The following RASGRF2 variants were observed in gnomAD, a reference collection of about 807,000 sequenced individuals.
RASGRF2 encodes ras-specific guanine nucleotide-releasing factor 2.
Under a neutral mutation model 151.0 loss-of-function variants are expected in RASGRF2, and 76 were observed. The observed-to-expected ratio is 0.50, with a 90% CI of 0.42 to 0.61. The LOEUF is 0.61. Among genes scored for constraint, RASGRF2 ranks in the 20% least tolerant of loss-of-function variants. RASGRF2 has a pLI of 0.00. For missense variants in RASGRF2, 1,148 were observed against 1,564.6 expected (o/e 0.73, Z 4.49); for synonymous variants, 504 against 566.5 (o/e 0.89, Z 1.57).
chr5:81,067,899 T>C, intron 2 of RASGRF2, 133 bp from the exon 3 acceptor site: 1 of 699,542 alleles, frequency 1.4e-6, no homozygotes. Flanking sequence ...AAAGTTAACA[T>C]TTATGTCAAG....
rs1753377330 is a variant in RASGRF2 at position 81,123,745 on chromosome 5, C to T, written c.2574C>T (p.His858=). ...GCAGATCCCCCTCAACTCCTCGGCA[C>T]CTCCGCTATCGACAGCCTGGAGGTA... ...SPCRSPSTPR[H]LRYRQPGGQT... The change falls in exon 16 of 27, where the codon CAC becomes CAT. Residue 858 remains histidine, a synonymous_variant. Transcript: ENST00000265080. 2 of 1,613,760 alleles carry T rather than the reference C, an allele frequency of 1.2e-6. No homozygotes were observed. Among genetic ancestry groups the T allele is most frequent in the Non-Finnish European group, 8.5e-7 (1 of 1,179,890 alleles).
intron 1 of RASGRF2, among the ~76,000 whole-genome samples, chr5:81,009,308 T>A (rs1749378596): frequency 6.6e-6 from 1 of 152,194 alleles, no homozygotes; most frequent in Non-Finnish European, 1.5e-5. Context: ...ACTGCCCAGG[T>A]TAGTGAACTT....
chr5:81,168,640 G>T (rs1443115331), intron 17 of RASGRF2, among the ~76,000 whole-genome samples: 5 of 152,100 alleles, frequency 3.3e-5, no homozygotes, highest in African/African-American at 1.2e-4. Context: ...CATTTTACCA[G>T]CTATGGCTCC....
chr5:81,022,773 A>C (rs1216797343), intron 1 of RASGRF2, among the ~76,000 whole-genome samples: 2 of 152,166 alleles, frequency 1.3e-5, no homozygotes, highest in Non-Finnish European at 1.5e-5. Context: ...CTGTAATGGC[A>C]GCTGGGATAC....
intron 2 of RASGRF2, among the ~76,000 whole-genome samples, chr5:81,060,692 A>G (rs962836525): frequency 7.9e-5 from 12 of 152,200 alleles, no homozygotes; most frequent in African/African-American, 2.2e-4. Context: ...ACTCGCAGGA[A>G]CCCAGGAAGA....
intron 23 of RASGRF2, 125 bp downstream of exon 23, chr5:81,212,688 G>A (rs1755652387): frequency 1.1e-6 from 1 of 910,732 alleles, no homozygotes; most frequent in Non-Finnish European, 1.6e-6. Context: ...GCCAAAGAAA[G>A]GTGCCAACAT....
chr5:81,034,053 C>G (rs1471963206), intron 1 of RASGRF2, among the ~76,000 whole-genome samples: 3 of 152,150 alleles, frequency 2.0e-5, no homozygotes, highest in Non-Finnish European at 4.4e-5. Context: ...AAAAAATGCT[C>G]ATCATCACTG....
chr5:81,145,530 GT>G (rs1753986177), intron 17 of RASGRF2, among the ~76,000 whole-genome samples: 1 of 152,218 alleles, frequency 6.6e-6, no homozygotes, highest in Non-Finnish European at 1.5e-5. Context: ...AAGTGATCGT[GT>G]ATGACTTTGG....
intron 17 of RASGRF2, among the ~76,000 whole-genome samples, chr5:81,179,343 A>G (rs1203628814): frequency 1.3e-5 from 2 of 152,192 alleles, no homozygotes; most frequent in Admixed American, 6.5e-5. Context: ...TAATCCCACA[A>G]CAACTTTATG....
At chr5:81,216,070 G>A (rs1007946351) in intron 24 of RASGRF2, 115 bp downstream of exon 24, 2 of 1,064,020 alleles carry the variant, frequency 1.9e-6, no homozygotes, top group Non-Finnish European at 2.5e-6. Flanking sequence ...AAAATAAATG[G>A]GAAACAACTT....
At chr5:81,134,183 G>C (rs1753698391) in intron 17 of RASGRF2, among the ~76,000 whole-genome samples, 1 of 151,546 alleles carries the variant, frequency 6.6e-6, no homozygotes, top group African/African-American at 2.4e-5. Flanking sequence ...GTTAGATTTG[G>C]ATGTAGATGG....
intron 18 of RASGRF2, 58 bp downstream of exon 18, chr5:81,180,339 A>G (rs1445737458): frequency 9.3e-7 from 1 of 1,080,608 alleles, no homozygotes; most frequent in Non-Finnish European, 1.4e-6. Context: ...CATCTTTTTA[A>G]GTTGTGACAC....
At chr5:81,029,714 G>T (rs1750169445) in intron 1 of RASGRF2, among the ~76,000 whole-genome samples, 1 of 152,186 alleles carries the variant, frequency 6.6e-6, no homozygotes, top group African/African-American at 2.4e-5. Flanking sequence ...GAGCAGAAAA[G>T]CTGAAAATTA....
At chr5:81,084,337 T>C (rs1653694571) in intron 7 of RASGRF2, among the ~76,000 whole-genome samples, 1 of 152,204 alleles carries the variant, frequency 6.6e-6, no homozygotes, top group African/African-American at 2.4e-5. Flanking sequence ...GTCATGCAAT[T>C]ATGCCAGCGA....
rs139721544 is a variant in RASGRF2, at chr5:81,127,111, G to A, written c.2634G>A (p.Pro878=). 20 of 1,613,896 alleles carry A rather than the reference G, an allele frequency of 1.2e-5. No homozygotes were observed. The highest frequency in any genetic ancestry group is 6.7e-5 in the African/African-American group (5 of 74,914). ...TADNAHCSVS[P]ASAFAIATAA... ...ACAATGCCCACTGCTCTGTTTCACC[G>A]GCTTCTGCTTTTGCAATAGCCACAG... The change falls in exon 17 of 27, where the codon CCG becomes CCA. Residue 878 remains proline, a synonymous_variant. Transcript: ENST00000265080.
intron 12 of RASGRF2, 112 bp from the exon 13 acceptor site, chr5:81,108,884 G>A: frequency 7.3e-7 from 1 of 1,378,012 alleles, no homozygotes; most frequent in East Asian, 2.6e-5. Context: ...GTGTGTGTAA[G>A]AGACAGGGAG....
At chr5:81,038,666 C>T (rs1237179037) in intron 1 of RASGRF2, among the ~76,000 whole-genome samples, 3 of 137,632 alleles carry the variant, frequency 2.2e-5, no homozygotes, top group Admixed American at 8.5e-5. Context: ...GTCTCAAACT[C>T]TTGGCCTCCA....
intron 16 of RASGRF2, 34 bp from the exon 17 acceptor site, chr5:81,127,040 C>T (rs772989299): frequency 5.0e-6 from 8 of 1,600,020 alleles, no homozygotes; most frequent in Admixed American, 3.3e-5. Flanking sequence ...CCATTTGCCT[C>T]ACCATTCCAT....
At chr5:81,006,097 TTTAA>T (rs1297331543) in intron 1 of RASGRF2, among the ~76,000 whole-genome samples, 10 of 152,376 alleles carry the variant, frequency 6.6e-5, no homozygotes, top group African/African-American at 1.2e-4. Flanking sequence ...TATTTATTTA[TTTAA>T]TTAAGTTTTG....
Sources: gnomAD v4.1 joint callset for allele counts (sites outside exome capture counted in the v4.1 genomes callset) on GRCh38, gnomAD v4.1.1 for gene constraint, MANE v1.5 for transcripts, NCBI Gene and HGNC (gene_info 2026-07-23, HGNC 2026-07-21) for gene names.